ADAMTSL1: variants seen among roughly 807,000 people sequenced by gnomAD.
ADAMTSL1 encodes ADAMTS-like protein 1.
Under a neutral mutation model 201.8 loss-of-function variants are expected in ADAMTSL1, and 126 were observed. The ratio of observed to expected loss-of-function variants is 0.62; its 90% CI spans 0.54 to 0.72. ADAMTSL1 has a LOEUF of 0.72. ADAMTSL1 is among the 30% of genes least tolerant of loss of function. The pLI is 0.00. For synonymous variants in ADAMTSL1, 1,121 were observed against 903.4 expected, an observed-to-expected ratio of 1.24 and a Z score of -4.32; for missense variants, 2,679 against 2,277.8, an observed-to-expected ratio of 1.18 and a Z score of -3.59.
chr9:18,706,452 C>T (rs1832238889), intron 13 of ADAMTSL1, among the ~76,000 whole-genome samples: 1 of 152,156 alleles, frequency 6.6e-6, no homozygotes, highest in Non-Finnish European at 1.5e-5. Context: ...ACCACCAATT[C>T]CCTGCTTGGA....
At chr9:18,263,046 G>C (rs1831984642) in intron 2 of ADAMTSL1, among the ~76,000 whole-genome samples, 1 of 152,172 alleles carries the variant, frequency 6.6e-6, no homozygotes, top group African/African-American at 2.4e-5. Flanking sequence ...AGAGTTTGCT[G>C]ACATCAGTAA....
intron 1 of ADAMTSL1, among the ~76,000 whole-genome samples, chr9:18,059,516 A>G (rs1359590141): frequency 1.3e-5 from 2 of 152,218 alleles, no homozygotes; most frequent in Non-Finnish European, 2.9e-5. Flanking sequence ...ATTACAGTAA[A>G]ATTTATCATA....
chr9:18,341,075 C>T lies in ADAMTSL1; in HGVS notation c.208-163754C>T, dbSNP rs576330240. On this transcript the variant is annotated intron_variant, in intron 2 of 29. Transcript: ENST00000680146. ...CTGTTCTTAGGGTTTGTTTCAGCAT[C>T]GCAGCCTGGCTGATCTGTCAGGAAC... 3.9e-5 allele frequency among the ~76,000 whole-genome samples: 6 copies of T among 152,190 alleles called. No homozygotes were observed. The East Asian group carries it at 5.8e-4, about 15-fold the overall frequency.
intron 2 of ADAMTSL1, among the ~76,000 whole-genome samples, chr9:18,258,313 AG>A (rs960905697): frequency 6.6e-6 from 1 of 152,238 alleles, no homozygotes; most frequent in Non-Finnish European, 1.5e-5. Context: ...GTGATATGCT[AG>A]TATGCAAAAT....
intron 13 of ADAMTSL1, among the ~76,000 whole-genome samples, chr9:18,695,321 G>A (rs934787837): frequency 6.6e-5 from 10 of 152,182 alleles, no homozygotes; most frequent in Non-Finnish European, 1.3e-4. Flanking sequence ...TTAAGATTTG[G>A]CTCTTTTTTA....
At chr9:18,287,651 A>ACATATATGTATGTG (rs1833063489) in intron 2 of ADAMTSL1, among the ~76,000 whole-genome samples, 1 of 39,760 alleles carries the variant, frequency 2.5e-5, no homozygotes, top group Non-Finnish European at 5.4e-5. Context: ...ATGTGTATAC[A>ACATATATGTATGTG]TATACACATA....
intron 1 of ADAMTSL1, among the ~76,000 whole-genome samples, chr9:18,007,536 C>T (rs1819878273): frequency 6.6e-6 from 1 of 151,788 alleles, no homozygotes; most frequent in Non-Finnish European, 1.5e-5. Flanking sequence ...TGAAGATATC[C>T]AGTATAATTT....
chr9:18,723,353 T>G, intron 15 of ADAMTSL1: 1 of 483,634 alleles, frequency 2.1e-6, no homozygotes, highest in Non-Finnish European at 3.8e-6. Flanking sequence ...TCCTGTGTTG[T>G]AACAACACCC....
At chr9:18,739,296 A>G (rs891911740) in intron 15 of ADAMTSL1, among the ~76,000 whole-genome samples, 2 of 152,216 alleles carry the variant, frequency 1.3e-5, no homozygotes, top group Admixed American at 1.3e-4. Flanking sequence ...AGTGGATGGT[A>G]TGTTGAAATT....
chr9:18,646,389 C>G (rs199956995), intron 7 of ADAMTSL1, among the ~76,000 whole-genome samples: 1 of 151,618 alleles, frequency 6.6e-6, no homozygotes, highest in Non-Finnish European at 1.5e-5. Context: ...ATTTCCTTCT[C>G]CTGCCTAATT....
chr9:18,501,377 G>A (rs1381169973), intron 1 of ADAMTSL1, among the ~76,000 whole-genome samples: 3 of 151,742 alleles, frequency 2.0e-5, no homozygotes, highest in East Asian at 1.9e-4. Context: ...CGGGCGTGCC[G>A]ACAAGCACCT....
At chr9:18,413,126 C>T (rs1818519038) in intron 2 of ADAMTSL1, among the ~76,000 whole-genome samples, 1 of 147,544 alleles carries the variant, frequency 6.8e-6, no homozygotes, top group African/African-American at 2.5e-5. Flanking sequence ...GTTTATTTAC[C>T]TGTAAGTTCT....
At chr9:18,609,507 T>C (rs1182165980) in intron 4 of ADAMTSL1, among the ~76,000 whole-genome samples, 2 of 152,078 alleles carry the variant, frequency 1.3e-5, no homozygotes, top group Non-Finnish European at 2.9e-5. Flanking sequence ...TCAATGGAAT[T>C]TGAGTTGTGA....
chr9:18,205,660 C>T (rs912939164), intron 2 of ADAMTSL1, among the ~76,000 whole-genome samples: 1 of 152,076 alleles, frequency 6.6e-6, no homozygotes, highest in South Asian at 2.1e-4. Context: ...ATGATGTTCT[C>T]TCCTGTGAAT....
intron 2 of ADAMTSL1, among the ~76,000 whole-genome samples, chr9:18,189,464 A>G (rs1380901873): frequency 1.3e-5 from 2 of 152,148 alleles, no homozygotes; most frequent in African/African-American, 2.4e-5. Context: ...GCAAATACAA[A>G]TTCTTATATC....
chr9:18,578,561 C>A (rs1268148447), intron 4 of ADAMTSL1, among the ~76,000 whole-genome samples: 1 of 152,208 alleles, frequency 6.6e-6, no homozygotes, highest in Non-Finnish European at 1.5e-5. Flanking sequence ...TGGCATGTGC[C>A]TTTGAGCAAG....
At chr9:18,296,703 A>T (rs549317772) in intron 2 of ADAMTSL1, among the ~76,000 whole-genome samples, 1 of 152,318 alleles carries the variant, frequency 6.6e-6, no homozygotes, top group South Asian at 2.1e-4. Context: ...TTACTAGTTT[A>T]AAGTCCTTTG....
intron 2 of ADAMTSL1, among the ~76,000 whole-genome samples, chr9:18,451,401 T>C (rs937745636): frequency 1.3e-5 from 2 of 152,218 alleles, no homozygotes; most frequent in Admixed American, 6.5e-5. Context: ...TACCTGCAAA[T>C]TGAACACAGC....
chr9:17,916,285 A>G (rs1826091772), intron 1 of ADAMTSL1, among the ~76,000 whole-genome samples: 1 of 152,008 alleles, frequency 6.6e-6, no homozygotes, highest in Admixed American at 6.6e-5. Flanking sequence ...CTGTCTTTTC[A>G]TTTTCTTAAC....
Sources: allele counts gnomAD v4.1 joint callset (sites outside exome capture counted in the v4.1 genomes callset), GRCh38; gene constraint gnomAD v4.1.1; transcripts MANE v1.5; gene names NCBI Gene and HGNC (gene_info 2026-07-23, HGNC 2026-07-21).